Variants in KDM5C observed in about 807,000 individuals in gnomAD.
KDM5C encodes the protein lysine-specific demethylase 5C.
Under a neutral mutation model 110.6 loss-of-function variants are expected in KDM5C, and 16 were observed. That is an observed-to-expected ratio of 0.14 (90% confidence interval 0.10 to 0.22). The LOEUF (loss-of-function observed/expected upper bound fraction) is 0.22, where lower values mean the gene tolerates loss of function less well. KDM5C is among the 10% of genes least tolerant of loss of function. The pLI is 1.00. For missense variants in KDM5C, 681 were observed against 1,300.9 expected, an observed-to-expected ratio of 0.52 and a Z score of 7.33; for synonymous variants, 511 against 520.4, an observed-to-expected ratio of 0.98 and a Z score of 0.24.
intron 12 of KDM5C, among the ~76,000 whole-genome samples, chrX:53,209,097 G>A (rs782684649): frequency 6.3e-5 from 7 of 110,895 alleles, no homozygotes; most frequent in Admixed American, 5.8e-4. Flanking sequence ...GATTACAGGC[G>A]TGAGCCACCG....
rs782309015 is a variant in KDM5C at position 53,201,993 on chromosome X, A to C, written c.1747-20T>G. 8.3e-7 allele frequency: 1 copy of C among 1,211,358 alleles called. No individual in the cohort carries two copies. On this transcript the variant is annotated intron_variant, in intron 12 of 25. Transcript: ENST00000375401. ...GACAACCTGAAGAACACAAAAGGCC[A>C]TGGCTGTTGAGATAGAGATTTTCCT...
Position 53,192,880 on chromosome X carries a change from C to CCCCCCCCCCCAAA in KDM5C, c.*86_*87insTTTGGGGGGGGGG. 1.9e-6 allele frequency: 2 copies of CCCCCCCCCCCAAA among 1,041,135 alleles called. No homozygotes were observed. Among genetic ancestry groups the CCCCCCCCCCCAAA allele is most frequent in the Admixed American group, 3.5e-5 (1 of 28,914 alleles). The allele number at this position is 1,041,135 out of a possible 1,213,427, so 85.8% of individuals were successfully genotyped here. On this transcript the variant is annotated 3_prime_UTR_variant, in exon 26 of 26. Transcript: ENST00000375401. Reference sequence around the variant, plus strand: ...ATGGCCACCCCCCTACCCGCCCACCCCCCAAGAAGCAGGCTTGATGGTCAG... The same window carrying CCCCCCCCCCCAAA: ...ATGGCCACCCCCCTACCCGCCCACCCCCCCCCCCCCAAACCCAAGAAGCAGGCTTGATGGTCAG...
Position 53,210,610 on chromosome X carries a change from T to C in KDM5C, c.1584-34A>G, listed in dbSNP as rs782675662. The C allele has an allele frequency of 2.1e-5, 25 of 1,209,869 alleles. No individual in the cohort carries two copies. In the East Asian group the frequency reaches 3.6e-4, roughly 17 times the overall value. On this transcript the variant is annotated intron_variant, in intron 11 of 25. Transcript: ENST00000375401. ...GTGGAAAAGGGACACACACAGTAAATCACACCTTGGTCATGCAGGGAGCCC... is the reference window on the plus strand; with the variant it reads ...GTGGAAAAGGGACACACACAGTAAACCACACCTTGGTCATGCAGGGAGCCC...
intron 2 of KDM5C, chrX:53,218,804 G>A (rs1174652879): frequency 3.8e-6 from 1 of 266,000 alleles, no homozygotes; most frequent in Non-Finnish European, 7.2e-6. Context: ...AAACTCCTAA[G>A]CTCAAGCAAT....
intron 2 of KDM5C, 38 bp from the exon 3 acceptor site, chrX:53,218,436 T>A (rs1183954896): frequency 1.7e-6 from 2 of 1,204,017 alleles, no homozygotes; most frequent in Non-Finnish European, 2.2e-6. Flanking sequence ...GGCCACCCCC[T>A]CCCACTGACC....
intron 25 of KDM5C, among the ~76,000 whole-genome samples, chrX:53,185,132 T>C (rs909761117): frequency 8.9e-6 from 1 of 112,306 alleles, no homozygotes; most frequent in South Asian, 3.7e-4. Flanking sequence ...AGCTAAGTGG[T>C]CATTAAACTT....
At chrX:53,195,658 CCCTGCTCAGTCCCATACCA>C (rs1934787680) in intron 20 of KDM5C, among the ~76,000 whole-genome samples, 1 of 111,841 alleles carries the variant, frequency 8.9e-6, no homozygotes, top group Non-Finnish European at 1.9e-5. Flanking sequence ...CATGCCCCTG[CCCTGCTCAGTCCCATACCA>C]CCTGCTTCCC....
intron 14 of KDM5C, chrX:53,201,259 A>C (rs1001142994): frequency 1.1e-5 from 4 of 352,732 alleles, no homozygotes; most frequent in Non-Finnish European, 1.5e-5. Context: ...CTATACCAGT[A>C]CCTGCCATGG....
chrX:53,207,046 T>A (rs185325914), intron 12 of KDM5C, among the ~76,000 whole-genome samples: 4 of 104,345 alleles, frequency 3.8e-5, no homozygotes, highest in Admixed American at 2.1e-4. Context: ...GCACAGTGGC[T>A]CATGCCTGTA....
chrX:53,177,086 A>G (rs1020580044), intron 25 of KDM5C, among the ~76,000 whole-genome samples: 2 of 112,140 alleles, frequency 1.8e-5, no homozygotes, highest in East Asian at 5.6e-4. Flanking sequence ...CTATCTCTAC[A>G]AAAAAAATTC....
At chrX:53,190,905 C>G (rs192993799), downstream of KDM5C, among the ~76,000 whole-genome samples, 44 of 111,839 alleles carry the variant, frequency 3.9e-4, no homozygotes, top group African/African-American at 1.3e-3. Context: ...GGGATCAGGA[C>G]CCAGCCTTTA....
intron 8 of KDM5C, 54 bp from the exon 9 acceptor site, chrX:53,211,960 C>A (rs184804732): frequency 4.8e-4 from 567 of 1,193,386 alleles, no homozygotes; most frequent in Non-Finnish European, 5.9e-4. Context: ...GGTGAAGAAT[C>A]CTCCCAAGTG....
At chrX:53,221,653 G>A (rs782271101) in intron 1 of KDM5C, 3 of 766,035 alleles carry the variant, frequency 3.9e-6, no homozygotes, top group African/African-American at 4.4e-5. Context: ...GCAGGGAAGA[G>A]CAAGGAACAG....
Position 53,198,749 on chromosome X carries a change from C to T in KDM5C, c.2368+15G>A, listed in dbSNP as rs2146850330. 8.3e-7 allele frequency: 1 copy of T among 1,211,897 alleles called. No homozygotes were observed. On this transcript the variant is annotated intron_variant, in intron 16 of 25. Coordinates refer to ENST00000375401, the MANE Select transcript of KDM5C (RefSeq NM_004187.5). ...AACTTGCCTGTGGAGTCCCTCCATC[C>T]CCCCCATCACTCACTGCGCTTCCGC...
In KDM5C at chrX:53,196,997, G is replaced by T. The variant is rs782047765; in HGVS notation, c.2670C>A (p.Ala890=). The change falls in exon 19 of 26, where the codon GCC becomes GCA. Residue 890 remains alanine, a synonymous_variant. Coordinates refer to ENST00000375401, the MANE Select transcript of KDM5C (RefSeq NM_004187.5). The part of the protein sequence containing the change: ...VEAYQAEARE[A]LASLPSSPGL... ...CTGGACTGGAGGGCAGTGAGGCCAG[G>T]GCCTCACGAGCCTCAGCCTGGTAGG... 8.4e-6 allele frequency: 10 copies of T among 1,191,330 alleles called. No homozygotes were observed. In the South Asian group the frequency reaches 1.8e-4, roughly 22 times the overall value.
intron 25 of KDM5C, among the ~76,000 whole-genome samples, chrX:53,181,881 T>C (rs1337973103): frequency 2.8e-5 from 3 of 108,406 alleles, no homozygotes; most frequent in African/African-American, 1.0e-4. Flanking sequence ...CTCCGCCTGC[T>C]GGGTTCACAC....
rs1556856221 is a variant in KDM5C at position 53,224,901 on chromosome X, G to A, written c.-12C>T. ...GACCCCGGCTCCATGGTGGGCCCGA[G>A]GTCTGGGCCAGGGATCGGGAGGCTT... On this transcript the variant is annotated 5_prime_UTR_variant, in exon 1 of 26. Transcript: ENST00000375401. 2 of 1,201,522 alleles carry A rather than the reference G, an allele frequency of 1.7e-6. No homozygotes were observed. The highest frequency in any genetic ancestry group is 3.5e-5 in the African/African-American group (2 of 57,744).
At chrX:53,179,148 C>G (rs933169375) in intron 25 of KDM5C, among the ~76,000 whole-genome samples, 1 of 110,036 alleles carries the variant, frequency 9.1e-6, no homozygotes, top group African/African-American at 3.3e-5. Flanking sequence ...GCGGGAGAAT[C>G]GCTTTAATCC....
chrX:53,210,343 G>A (rs2073523910), intron 12 of KDM5C, 71 bp downstream of exon 12: 12 of 1,158,030 alleles, frequency 1.0e-5, no homozygotes, highest in South Asian at 3.6e-5. Context: ...GACAACCACC[G>A]CCACCACCAC....
Sources: allele counts gnomAD v4.1 joint callset (sites outside exome capture counted in the v4.1 genomes callset), GRCh38; gene constraint gnomAD v4.1.1; transcripts MANE v1.5; gene names NCBI Gene and HGNC (gene_info 2026-07-23, HGNC 2026-07-21).